Variants in FOXN2 observed in about 807,000 individuals in gnomAD.
FOXN2 encodes forkhead box N2.
In FOXN2, 19 loss-of-function variants were observed where a neutral mutation model predicts 41.2. That is an observed-to-expected ratio of 0.46 (90% CI 0.32 to 0.68). FOXN2 has a LOEUF of 0.68. Among genes scored for constraint, FOXN2 ranks in the 30% least tolerant of loss-of-function variants. FOXN2 has a pLI of 0.03. For synonymous variants in FOXN2, 195 were observed against 176.8 expected, an observed-to-expected ratio of 1.10 and a Z score of -0.82; for missense variants, 587 against 509.4, an observed-to-expected ratio of 1.15 and a Z score of -1.47.
chr2:48,359,522 G>C (rs1412491676), intron 4 of FOXN2, among the ~76,000 whole-genome samples: 1 of 152,084 alleles, frequency 6.6e-6, no homozygotes, highest in Non-Finnish European at 1.5e-5. Context: ...TCTAACTCCT[G>C]ACTTCAAGTG....
chr2:48,327,392 G>C (rs1669746410), intron 1 of FOXN2, among the ~76,000 whole-genome samples: 1 of 151,828 alleles, frequency 6.6e-6, no homozygotes, highest in African/African-American at 2.4e-5. Context: ...TTCCATATAA[G>C]TTTATTTAGA....
At position 48,346,483 on chromosome 2, in the gene FOXN2, G is replaced by T; in HGVS notation, c.269G>T (p.Gly90Val). The T allele has an allele frequency of 6.2e-7, 1 of 1,614,080 alleles. No homozygotes were observed. The highest frequency in any genetic ancestry group is 8.5e-7 in the Non-Finnish European group (1 of 1,180,010). ...GTTAGTCCATTGTATGACATAGAGGGAGATGATGTGCCATCCTTTGGACCA... is the reference window on the plus strand; with the variant it reads ...GTTAGTCCATTGTATGACATAGAGGTAGATGATGTGCCATCCTTTGGACCA... ...PIVSPLYDIE[G>V]DDVPSFGPAC... The change falls in exon 3 of 7, where the codon GGA (glycine) becomes GTA (valine). Residue 90 changes from glycine to valine, a missense_variant. Coordinates refer to ENST00000340553, the MANE Select transcript of FOXN2 (RefSeq NM_002158.4).
At chr2:48,371,406 A>T (rs1297236129) in intron 5 of FOXN2, among the ~76,000 whole-genome samples, 1 of 152,110 alleles carries the variant, frequency 6.6e-6, no homozygotes, top group Non-Finnish European at 1.5e-5. Flanking sequence ...AAAAAAAAAA[A>T]TAGTTGGCTG....
intron 2 of FOXN2, among the ~76,000 whole-genome samples, chr2:48,341,239 T>C (rs1312222160): frequency 6.6e-6 from 1 of 152,190 alleles, no homozygotes; most frequent in Non-Finnish European, 1.5e-5. Flanking sequence ...TTATTAATGC[T>C]GTGCTAGTGA....
intron 3 of FOXN2, among the ~76,000 whole-genome samples, chr2:48,353,552 CTGTGTGTGTGTGTG>C (rs57528113): frequency 0.016 from 2,053 of 128,910 alleles, 22 homozygotes; most frequent in African/African-American, 0.029. Flanking sequence ...TCACTTAAGA[CTGTGTGTGTGTGTG>C]TGTGTGTGTG....
chr2:48,320,493 G>A (rs961516596), intron 1 of FOXN2, among the ~76,000 whole-genome samples: 4 of 152,006 alleles, frequency 2.6e-5, no homozygotes, highest in African/African-American at 9.7e-5. Context: ...GTTTCACCAT[G>A]TTGGCCAGGC....
At position 48,326,794 on chromosome 2, in the gene FOXN2, A is replaced by G. The variant is rs1415718178; in HGVS notation, c.-156-1767A>G. On this transcript the variant is annotated intron_variant, in intron 1 of 6. Coordinates refer to ENST00000340553, the MANE Select transcript of FOXN2 (RefSeq NM_002158.4). ...ATAAAATTACCTTCAGGCTATTTGTATAAGATATATATGAAACATAAATGA... is the reference window on the plus strand; with the variant it reads ...ATAAAATTACCTTCAGGCTATTTGTGTAAGATATATATGAAACATAAATGA... Among the ~76,000 whole-genome samples the G allele has an allele frequency of 2.6e-5, 4 of 152,290 alleles. No individual in the cohort carries two copies. In the East Asian group the frequency reaches 5.8e-4, roughly 22 times the overall value.
chr2:48,347,534 TGTG>T (rs1400320681), intron 3 of FOXN2, among the ~76,000 whole-genome samples: 1 of 73,638 alleles, frequency 1.4e-5, no homozygotes, highest in Admixed American at 1.3e-4. Context: ...GCCGAGGTGT[TGTG>T]TGTGTGTGTG....
In FOXN2 at chr2:48,353,460, C is replaced by T. The variant is rs1307800673; in HGVS notation, c.538-5587C>T. 2.6e-5 allele frequency among the ~76,000 whole-genome samples: 4 copies of T among 151,924 alleles called. No homozygotes were observed. In the East Asian group the frequency reaches 7.7e-4, roughly 29 times the overall value. On this transcript the variant is annotated intron_variant, in intron 3 of 6. Coordinates refer to ENST00000340553, the MANE Select transcript of FOXN2 (RefSeq NM_002158.4). ...TTCTGTTTGTTACCTTTATAACATACATATCCCAGTTATGTATAGATTTGC... is the reference window on the plus strand; with the variant it reads ...TTCTGTTTGTTACCTTTATAACATATATATCCCAGTTATGTATAGATTTGC...
intron 1 of FOXN2, among the ~76,000 whole-genome samples, chr2:48,324,722 C>G (rs1341818086): frequency 2.6e-5 from 4 of 152,090 alleles, no homozygotes; most frequent in Non-Finnish European, 4.4e-5. Context: ...ATACTTTTGA[C>G]TTGGTGTGTA....
intron 2 of FOXN2, among the ~76,000 whole-genome samples, chr2:48,328,992 TA>T (rs1669861371): frequency 6.6e-6 from 1 of 152,190 alleles, no homozygotes; most frequent in South Asian, 2.1e-4. Flanking sequence ...CCATTTTTCT[TA>T]AAACAGTTTT....
intron 3 of FOXN2, among the ~76,000 whole-genome samples, chr2:48,357,504 CTTT>C (rs113343294): frequency 6.9e-6 from 1 of 144,270 alleles, no homozygotes; most frequent in African/African-American, 2.5e-5. Context: ...TTAATTCTTC[CTTT>C]TTTTTTTTTT....
At chr2:48,355,456 T>G (rs991097223) in intron 3 of FOXN2, among the ~76,000 whole-genome samples, 12 of 152,178 alleles carry the variant, frequency 7.9e-5, no homozygotes, top group Non-Finnish European at 5.9e-5. Flanking sequence ...GGAAGGAACT[T>G]GTAAATCGTC....
At chr2:48,339,961 T>A (rs944085823) in intron 2 of FOXN2, among the ~76,000 whole-genome samples, 1 of 152,208 alleles carries the variant, frequency 6.6e-6, no homozygotes, top group African/African-American at 2.4e-5. Flanking sequence ...GCTACAATAA[T>A]GTTAATGAAT....
At chr2:48,325,207 A>G (rs1333749458) in intron 1 of FOXN2, among the ~76,000 whole-genome samples, 1 of 152,156 alleles carries the variant, frequency 6.6e-6, no homozygotes, top group Non-Finnish European at 1.5e-5. Flanking sequence ...CAGTACTTCC[A>G]GTTTGGAGCA....
At chr2:48,319,437 G>T (rs1346588088) in intron 1 of FOXN2, among the ~76,000 whole-genome samples, 1 of 151,960 alleles carries the variant, frequency 6.6e-6, no homozygotes, top group Non-Finnish European at 1.5e-5. Flanking sequence ...TTTTATTGGA[G>T]AATAAAATTT....
intron 5 of FOXN2, 115 bp downstream of exon 5, chr2:48,362,822 T>G: frequency 1.2e-6 from 1 of 814,448 alleles, no homozygotes; most frequent in Non-Finnish European, 2.0e-6. Flanking sequence ...AAATTTCTAT[T>G]GCCTGGTGCC....
At position 48,378,542 on chromosome 2, in the gene FOXN2, C is replaced by T. The variant is rs1235780940; in HGVS notation, c.*3099C>T. 6.6e-6 allele frequency: 1 copy of T among 152,140 alleles called. No homozygotes were observed. The highest frequency in any genetic ancestry group is 6.6e-5 in the Admixed American group (1 of 15,168). The allele number at this position is 152,140 out of a possible 1,614,324, so 9.4% of individuals were successfully genotyped here. A position where few individuals can be genotyped will look rare whatever the true frequency, so the allele number is the denominator to read the frequency against. ...AGGAGGCCTTTGCCAGCAATTTAAG[C>T]AACAGATGTGAATACTTCACAAAGC... On this transcript the variant is annotated 3_prime_UTR_variant, in exon 7 of 7. Coordinates refer to ENST00000340553, the MANE Select transcript of FOXN2 (RefSeq NM_002158.4).
At chr2:48,343,857 G>A (rs1329717726) in intron 2 of FOXN2, among the ~76,000 whole-genome samples, 4 of 152,178 alleles carry the variant, frequency 2.6e-5, no homozygotes, top group African/African-American at 9.6e-5. Flanking sequence ...AAGTAGAGAT[G>A]ATGCATTTTA....
Sources: gnomAD v4.1 joint callset for allele counts (sites outside exome capture counted in the v4.1 genomes callset) on GRCh38, gnomAD v4.1.1 for gene constraint, MANE v1.5 for transcripts, NCBI Gene and HGNC (gene_info 2026-07-23, HGNC 2026-07-21) for gene names.